Variants in C12orf54 observed in about 807,000 individuals in gnomAD.
C12orf54 encodes the protein chromosome 12 open reading frame 54, also known as uncharacterized protein C12orf54.
A neutral mutation model predicts 26.4 loss-of-function variants in C12orf54; 24 were observed. The observed-to-expected ratio is 0.91, with a 90% CI of 0.66 to 1.28. C12orf54 has a LOEUF of 1.28. C12orf54 is among the 50% of genes most tolerant of loss of function. The pLI is 0.00. For missense variants in C12orf54, 154 were observed against 150.9 expected (o/e 1.02, Z -0.11); for synonymous variants, 54 against 47.0 (o/e 1.15, Z -0.61).
chr12:48,488,814 T>C (rs1291637456), intron 4 of C12orf54, 110 bp from the exon 5 acceptor site: 4 of 889,998 alleles, frequency 4.5e-6, no homozygotes, highest in Admixed American at 2.2e-5. Flanking sequence ...ATTCACATTC[T>C]ACAGCCTAGT....
chr12:48,472,743 A>G, the C12orf54 span: 2 of 1,614,226 alleles, frequency 1.2e-6, no homozygotes, highest in Admixed American at 1.7e-5. Context: ...CCTGGACAAC[A>G]GTCAGTCAAA....
chr12:48,462,694 A>C, the C12orf54 span, among the ~76,000 whole-genome samples: 1 of 151,780 alleles, frequency 6.6e-6, no homozygotes, highest in Non-Finnish European at 1.5e-5. Flanking sequence ...CCCAATGAGC[A>C]AATTTTGGCA....
the C12orf54 span, chr12:48,417,123 T>C: frequency 6.6e-6 from 1 of 152,202 alleles, no homozygotes; most frequent in East Asian, 1.9e-4. Context: ...TATGGTATTA[T>C]GTGACAGCAG....
At chr12:48,438,106 A>G in the C12orf54 span, among the ~76,000 whole-genome samples, 1 of 152,294 alleles carries the variant, frequency 6.6e-6, no homozygotes, top group East Asian at 1.9e-4. Context: ...TTATACACCA[A>G]TAACAGACAA....
At chr12:48,478,774 A>C (rs1954170193), upstream of C12orf54, among the ~76,000 whole-genome samples, 1 of 152,228 alleles carries the variant, frequency 6.6e-6, no homozygotes, top group Non-Finnish European at 1.5e-5. Flanking sequence ...AATGCTCACC[A>C]TCACTGTGCA....
At chr12:48,423,882 G>A in the C12orf54 span, among the ~76,000 whole-genome samples, 2 of 152,026 alleles carry the variant, frequency 1.3e-5, no homozygotes, top group Admixed American at 6.6e-5. Context: ...TTGAATAGAA[G>A]TGGTGAAAGC....
At chr12:48,435,448 A>G in the C12orf54 span, among the ~76,000 whole-genome samples, 1 of 152,234 alleles carries the variant, frequency 6.6e-6, no homozygotes, top group East Asian at 1.9e-4. Context: ...CAACTCCAAG[A>G]CATATAATTG....
the C12orf54 span, among the ~76,000 whole-genome samples, chr12:48,416,709 A>G: frequency 6.6e-6 from 1 of 152,014 alleles, no homozygotes; most frequent in Non-Finnish European, 1.5e-5. Flanking sequence ...TAAAAATACA[A>G]AAATTAGCTG....
At chr12:48,467,177 T>A in the C12orf54 span, among the ~76,000 whole-genome samples, 2 of 151,236 alleles carry the variant, frequency 1.3e-5, no homozygotes, top group African/African-American at 4.9e-5. Context: ...GAAGAGAAGG[T>A]GATGGGAAGA....
At chr12:48,449,575 T>A in the C12orf54 span, among the ~76,000 whole-genome samples, 2 of 152,172 alleles carry the variant, frequency 1.3e-5, no homozygotes, top group African/African-American at 4.8e-5. Context: ...TATATTTAAG[T>A]AAAAGTTTTC....
chr12:48,437,079 A>G, the C12orf54 span, among the ~76,000 whole-genome samples: 1 of 152,216 alleles, frequency 6.6e-6, no homozygotes, highest in Non-Finnish European at 1.5e-5. Context: ...ATCACCACCG[A>G]TCCCACAGAA....
the C12orf54 span, among the ~76,000 whole-genome samples, chr12:48,424,585 A>G: frequency 6.6e-6 from 1 of 152,104 alleles, no homozygotes; most frequent in Non-Finnish European, 1.5e-5. Context: ...AGCAATTGAA[A>G]TCCTCATATG....
the C12orf54 span, among the ~76,000 whole-genome samples, chr12:48,415,024 C>A: frequency 6.6e-6 from 1 of 152,174 alleles, no homozygotes; most frequent in Non-Finnish European, 1.5e-5. Context: ...ATACATGAGC[C>A]CCATTCAGCA....
At chr12:48,451,831 A>G in the C12orf54 span, among the ~76,000 whole-genome samples, 1 of 152,250 alleles carries the variant, frequency 6.6e-6, no homozygotes, top group Non-Finnish European at 1.5e-5. Flanking sequence ...GCTCAAAGAA[A>G]TCAGAAATGG....
chr12:48,443,591 C>T, the C12orf54 span, among the ~76,000 whole-genome samples: 14 of 152,154 alleles, frequency 9.2e-5, no homozygotes, highest in African/African-American at 3.4e-4. Flanking sequence ...TCATGAGAAA[C>T]TGTTGGTCAA....
the C12orf54 span, among the ~76,000 whole-genome samples, chr12:48,468,176 A>T: frequency 6.6e-5 from 10 of 152,326 alleles, no homozygotes; most frequent in Admixed American, 5.2e-4. Flanking sequence ...GTGGGGATTT[A>T]AAAAATACAA....
chr12:48,445,720 C>T, the C12orf54 span, among the ~76,000 whole-genome samples: 1 of 152,202 alleles, frequency 6.6e-6, no homozygotes, highest in Non-Finnish European at 1.5e-5. Flanking sequence ...AACTACCCTG[C>T]AAAGTGGTGA....
the C12orf54 span, among the ~76,000 whole-genome samples, chr12:48,470,358 T>C: frequency 6.6e-6 from 1 of 152,244 alleles, no homozygotes; most frequent in Non-Finnish European, 1.5e-5. Context: ...CAACATCTGT[T>C]ATTTTTTTAC....
the C12orf54 span, among the ~76,000 whole-genome samples, chr12:48,439,677 CAT>C: frequency 6.6e-6 from 1 of 152,080 alleles, no homozygotes; most frequent in Non-Finnish European, 1.5e-5. Flanking sequence ...TGTTCTCACT[CAT>C]AGGTGGGAAT....
Sources: gnomAD v4.1 joint callset for allele counts (sites outside exome capture counted in the v4.1 genomes callset) on GRCh38, gnomAD v4.1.1 for gene constraint, MANE v1.5 for transcripts, NCBI Gene and HGNC (gene_info 2026-07-23, HGNC 2026-07-21) for gene names.